ADIPOR2: variants seen among roughly 807,000 people sequenced by gnomAD.
The protein encoded by ADIPOR2 is adiponectin receptor 2.
A neutral mutation model predicts 40.9 loss-of-function variants in ADIPOR2; 18 were observed. That is an observed-to-expected ratio of 0.44 (90% CI 0.30 to 0.65). The LOEUF (loss-of-function observed/expected upper bound fraction) is 0.65. Ranked by LOEUF, ADIPOR2 falls within the 30% of genes least tolerant of loss-of-function variation. The pLI is 0.09. For synonymous variants in ADIPOR2, 165 were observed against 166.4 expected (o/e 0.99, Z 0.06); for missense variants, 283 against 479.2 (o/e 0.59, Z 3.82).
At chr12:1,719,928 C>T (rs184492430) in intron 1 of ADIPOR2, among the ~76,000 whole-genome samples, 40 of 152,184 alleles carry the variant, frequency 2.6e-4, no homozygotes, top group African/African-American at 7.7e-4. Flanking sequence ...CTGTCTGCCC[C>T]GGCCTCCCAA....
chr12:1,731,719 G>A (rs985616648), intron 1 of ADIPOR2, among the ~76,000 whole-genome samples: 2 of 152,144 alleles, frequency 1.3e-5, no homozygotes, highest in Non-Finnish European at 2.9e-5. Flanking sequence ...CAGCCCTTTA[G>A]GAGGCCGAGC....
At chr12:1,723,541 A>T (rs977408900) in intron 1 of ADIPOR2, among the ~76,000 whole-genome samples, 10 of 151,392 alleles carry the variant, frequency 6.6e-5, no homozygotes, top group African/African-American at 2.4e-4. Flanking sequence ...TACTCAGGAG[A>T]CTGTCGGAAG....
intron 1 of ADIPOR2, among the ~76,000 whole-genome samples, chr12:1,710,201 A>G (rs1165146925): frequency 6.6e-6 from 1 of 152,210 alleles, no homozygotes; most frequent in Non-Finnish European, 1.5e-5. Flanking sequence ...GCGGGGATAA[A>G]TAAGGGAATA....
chr12:1,752,326 C>A (rs1004476249), intron 1 of ADIPOR2, among the ~76,000 whole-genome samples: 1 of 149,472 alleles, frequency 6.7e-6, no homozygotes, highest in Admixed American at 6.7e-5. Flanking sequence ...CTCCCCCTCC[C>A]AGGCTCAAGT....
chr12:1,744,768 T>C (rs148279858), intron 1 of ADIPOR2, among the ~76,000 whole-genome samples: 43 of 152,366 alleles, frequency 2.8e-4, no homozygotes, highest in African/African-American at 9.9e-4. Flanking sequence ...TGGATAGATA[T>C]GAGGGGACCT....
At chr12:1,766,289 AATGTTTATTGAG>A (rs1241412510) in intron 2 of ADIPOR2, among the ~76,000 whole-genome samples, 1 of 152,192 alleles carries the variant, frequency 6.6e-6, no homozygotes, top group South Asian at 2.1e-4. Flanking sequence ...AATAATAGCT[AATGTTTATTGAG>A]TACACACTGG....
chr12:1,766,159 G>C (rs543404207), intron 2 of ADIPOR2, among the ~76,000 whole-genome samples: 1 of 152,308 alleles, frequency 6.6e-6, no homozygotes, highest in South Asian at 2.1e-4. Context: ...TACTATGGTA[G>C]TAACTCCAGT....
intron 1 of ADIPOR2, among the ~76,000 whole-genome samples, chr12:1,717,240 T>G (rs2094689355): frequency 6.6e-6 from 1 of 152,214 alleles, no homozygotes; most frequent in South Asian, 2.1e-4. Flanking sequence ...CTTTGGAATT[T>G]TCAGACTGTT....
At chr12:1,770,332 G>A (rs1862471265) in intron 2 of ADIPOR2, among the ~76,000 whole-genome samples, 1 of 152,112 alleles carries the variant, frequency 6.6e-6, no homozygotes, top group South Asian at 2.1e-4. Flanking sequence ...GCCATATTGT[G>A]TTTTATGTAC....
At chr12:1,744,339 T>C (rs10735000) in intron 1 of ADIPOR2, among the ~76,000 whole-genome samples, 124,104 of 152,058 alleles carry the variant, frequency 0.82, 51,307 homozygotes, top group East Asian at 0.9. Flanking sequence ...CTCCTGACAT[T>C]GTGATCTGCC....
rs948504422 is a variant in ADIPOR2 at position 1,780,805 on chromosome 12, A to T, written c.651-84A>T. On this transcript the variant is annotated intron_variant, in intron 5 of 7. Coordinates refer to ENST00000357103, the MANE Select transcript of ADIPOR2 (RefSeq NM_024551.3). ...GGCTCTTAGGTGTCGTTGATGGCTT[A>T]TGTCATGAGGGATTAATTGGAACCT... The T allele has an allele frequency of 6.6e-5, 92 of 1,402,018 alleles. No individual in the cohort carries two copies. The South Asian group carries it at 1.2e-3, about 19-fold the overall frequency. 86.8% of individuals were successfully genotyped at this position (1,402,018 alleles called of 1,614,324 possible).
At chr12:1,717,221 G>GT (rs966149924) in intron 1 of ADIPOR2, among the ~76,000 whole-genome samples, 1 of 152,060 alleles carries the variant, frequency 6.6e-6, no homozygotes, top group African/African-American at 2.4e-5. Context: ...TTCTCTTGAT[G>GT]TTTTTTCACT....
intron 4 of ADIPOR2, 49 bp from the exon 5 acceptor site, chr12:1,780,402 C>G: frequency 6.8e-7 from 1 of 1,471,280 alleles, no homozygotes; most frequent in Non-Finnish European, 9.1e-7. Context: ...ATAATACTGT[C>G]TCTTCTAAAG....
intron 1 of ADIPOR2, among the ~76,000 whole-genome samples, chr12:1,727,919 G>A (rs1034729847): frequency 1.9e-4 from 28 of 151,216 alleles, no homozygotes; most frequent in African/African-American, 6.6e-4. Flanking sequence ...TTTAGGAATT[G>A]AAAACTCATG....
At chr12:1,754,578 T>G in intron 2 of ADIPOR2, 64 bp downstream of exon 2, 2 of 1,469,418 alleles carry the variant, frequency 1.4e-6, no homozygotes, top group Non-Finnish European at 1.8e-6. Context: ...AGAGGGAGGA[T>G]ATGGGGAAAA....
At chr12:1,748,228 G>A (rs1298172129) in intron 1 of ADIPOR2, among the ~76,000 whole-genome samples, 1 of 151,840 alleles carries the variant, frequency 6.6e-6, no homozygotes, top group Non-Finnish European at 1.5e-5. Flanking sequence ...TTGTCATTAT[G>A]CTTTCCTTTA....
At chr12:1,734,748 A>C (rs2094726957) in intron 1 of ADIPOR2, among the ~76,000 whole-genome samples, 1 of 152,200 alleles carries the variant, frequency 6.6e-6, no homozygotes, top group African/African-American at 2.4e-5. Flanking sequence ...GTAACATTTA[A>C]GTCTTTAATC....
chr12:1,730,028 G>A (rs961707011), intron 1 of ADIPOR2, among the ~76,000 whole-genome samples: 1 of 152,100 alleles, frequency 6.6e-6, no homozygotes, highest in African/African-American at 2.4e-5. Context: ...TGAGGGAAAA[G>A]TGTTAATATA....
intron 2 of ADIPOR2, among the ~76,000 whole-genome samples, chr12:1,755,648 A>G (rs1862109455): frequency 1.3e-5 from 2 of 152,236 alleles, no homozygotes; most frequent in Non-Finnish European, 2.9e-5. Context: ...AACTATACCT[A>G]TAGAGCAGAA....
Sources: allele counts gnomAD v4.1 joint callset (sites outside exome capture counted in the v4.1 genomes callset), GRCh38; gene constraint gnomAD v4.1.1; transcripts MANE v1.5; gene names NCBI Gene and HGNC (gene_info 2026-07-23, HGNC 2026-07-21).